Variants in CFAP61 observed in about 807,000 individuals in gnomAD.
CFAP61 encodes cilia and flagella associated protein 61, also known as cilia- and flagella-associated protein 61.
CFAP61 carries 107 observed loss-of-function variants against 135.6 expected under a neutral mutation model. The observed-to-expected ratio is 0.79, with a 90% CI of 0.67 to 0.93. CFAP61 has a LOEUF of 0.93. Ranked by LOEUF, CFAP61 falls within the 40% of genes least tolerant of loss-of-function variation. The pLI is 0.00. For missense variants in CFAP61, 1,507 were observed against 1,556.2 expected (o/e 0.97, Z 0.53); for synonymous variants, 575 against 578.5 (o/e 0.99, Z 0.09).
chr20:20,191,181 A>T (rs1031418929), intron 14 of CFAP61, among the ~76,000 whole-genome samples, 161 bp from the exon 15 acceptor site: 2 of 152,012 alleles, frequency 1.3e-5, no homozygotes, highest in African/African-American at 4.8e-5. Context: ...GATCCGGTGG[A>T]CATAGGGAAG....
intron 8 of CFAP61, among the ~76,000 whole-genome samples, chr20:20,127,030 T>C (rs1568960801): frequency 1.3e-5 from 2 of 151,654 alleles, no homozygotes; most frequent in Non-Finnish European, 2.9e-5. Flanking sequence ...CCAGAGCATT[T>C]TGCATTTCTA....
At chr20:20,271,297 CAAAACA>C (rs1259420175) in intron 21 of CFAP61, among the ~76,000 whole-genome samples, 1 of 152,064 alleles carries the variant, frequency 6.6e-6, no homozygotes, top group African/African-American at 2.4e-5. Flanking sequence ...CATCTTAAAA[CAAAACA>C]AAAACAAAAA....
chr20:20,228,289 T>C lies in CFAP61; in HGVS notation c.1973T>C (p.Leu658Ser). 6.2e-7 allele frequency: 1 copy of C among 1,611,406 alleles called. No homozygotes were observed. The stretch of plus-strand genomic sequence containing the variant: ...AACCATACAAACAGAAAACTAACAT[T>C]GGAACCTAAAATTACTGTCAATGCC... ...ALNHTNRKLT[L>S]EPKITVNAKI... Residue 658 changes from leucine (L) to serine (S), a missense_variant, in exon 18 of 27, where the codon TTG (leucine) becomes TCG (serine). Physicochemically the swap from Leu to Ser is moderately radical, Grantham distance 145 (BLOSUM62 -2). Transcript: ENST00000245957.
At chr20:20,107,965 A>T (rs1200078943) in intron 8 of CFAP61, among the ~76,000 whole-genome samples, 1 of 152,226 alleles carries the variant, frequency 6.6e-6, no homozygotes, top group Non-Finnish European at 1.5e-5. Flanking sequence ...TCTACATGAA[A>T]TATTCTAAAA....
At chr20:20,296,353 TTCTTTCCTTTCTTCATCCC>T (rs1490140226) in intron 24 of CFAP61, among the ~76,000 whole-genome samples, 7 of 91,228 alleles carry the variant, frequency 7.7e-5, no homozygotes, top group Non-Finnish European at 1.5e-4. Context: ...GCTTCCTTCC[TTCTTTCCTTTCTTCATCCC>T]TCCTTCCCTC....
At chr20:20,256,251 G>A (rs1391636462) in intron 20 of CFAP61, among the ~76,000 whole-genome samples, 1 of 152,180 alleles carries the variant, frequency 6.6e-6, no homozygotes, top group Non-Finnish European at 1.5e-5. Flanking sequence ...AAGAAAGTAG[G>A]TATTTAAGCT....
intron 2 of CFAP61, among the ~76,000 whole-genome samples, chr20:20,065,814 G>A (rs746945431): frequency 1.6e-4 from 24 of 152,262 alleles, no homozygotes; most frequent in Middle Eastern, 3.4e-3. Context: ...AAATAGCACA[G>A]TGGCGATCGG....
At chr20:20,305,820 T>C (rs903757061) in intron 25 of CFAP61, among the ~76,000 whole-genome samples, 8 of 152,372 alleles carry the variant, frequency 5.3e-5, no homozygotes, top group African/African-American at 1.9e-4. Context: ...GTCAGTTTGC[T>C]CACGTACTCT....
chr20:20,218,022 G>C (rs2048150538), intron 17 of CFAP61, among the ~76,000 whole-genome samples: 2 of 152,252 alleles, frequency 1.3e-5, no homozygotes, highest in African/African-American at 4.8e-5. Context: ...ATATCCCATT[G>C]ATTCTGCTAA....
intron 6 of CFAP61, among the ~76,000 whole-genome samples, chr20:20,089,449 A>G (rs2047026480): frequency 6.6e-6 from 1 of 152,158 alleles, no homozygotes; most frequent in Non-Finnish European, 1.5e-5. Flanking sequence ...CAAAGAGAAC[A>G]TACTAGAAGA....
intron 22 of CFAP61, 96 bp from the exon 23 acceptor site, chr20:20,288,513 C>A: frequency 2.2e-6 from 2 of 918,078 alleles, no homozygotes; most frequent in Non-Finnish European, 3.4e-6. Flanking sequence ...TATTTTTGTG[C>A]CCCGAATAAT....
chr20:20,121,727 C>T (rs2049651517), intron 8 of CFAP61, among the ~76,000 whole-genome samples: 1 of 152,148 alleles, frequency 6.6e-6, no homozygotes, highest in Non-Finnish European at 1.5e-5. Context: ...CTTCTGGCCT[C>T]AAGTGATCTG....
chr20:20,154,036 G>A (rs2052671938), intron 9 of CFAP61, among the ~76,000 whole-genome samples: 1 of 151,964 alleles, frequency 6.6e-6, no homozygotes, highest in Non-Finnish European at 1.5e-5. Context: ...TTCATACCAG[G>A]GATGCAGGGT....
chr20:20,178,230 A>G (rs948147807), intron 13 of CFAP61, among the ~76,000 whole-genome samples: 1 of 152,194 alleles, frequency 6.6e-6, no homozygotes, highest in African/African-American at 2.4e-5. Context: ...AGATGAGAAC[A>G]TTTCCTAATG....
intron 21 of CFAP61, among the ~76,000 whole-genome samples, chr20:20,275,827 T>A (rs561783228): frequency 2.8e-4 from 43 of 152,366 alleles, no homozygotes; most frequent in African/African-American, 1.0e-3. Context: ...CCAAGATTCA[T>A]GTTTCGTAGC....
Position 20,360,544 on chromosome 20 carries a change from C to T in CFAP61, c.*134C>T. On this transcript the variant is annotated 3_prime_UTR_variant, in exon 27 of 27. Coordinates refer to ENST00000245957, the MANE Select transcript of CFAP61 (RefSeq NM_015585.4). The stretch of plus-strand genomic sequence containing the variant: ...CCTGGTGGTTTTGTTCATTCCTTTC[C>T]TTCCCTGACTTATGCCTGTAGTTTT... 1.4e-6 allele frequency: 1 copy of T among 715,664 alleles called. No homozygotes were observed. Among genetic ancestry groups the T allele is most frequent in the Non-Finnish European group, 2.3e-6 (1 of 431,146 alleles). 44.3% of individuals were successfully genotyped at this position (715,664 alleles called of 1,614,324 possible).
At chr20:20,087,602 C>A (rs1445530087) in intron 6 of CFAP61, among the ~76,000 whole-genome samples, 1 of 152,086 alleles carries the variant, frequency 6.6e-6, no homozygotes, top group East Asian at 1.9e-4. Context: ...TGCAGTGATT[C>A]AAGCTTCTGT....
intron 6 of CFAP61, among the ~76,000 whole-genome samples, chr20:20,082,225 G>C (rs1161959947): frequency 6.6e-6 from 1 of 152,170 alleles, no homozygotes; most frequent in Non-Finnish European, 1.5e-5. Flanking sequence ...GATAGTTAAT[G>C]GTGAAGAACA....
chr20:20,273,339 A>G (rs1258373417), intron 21 of CFAP61, among the ~76,000 whole-genome samples: 7 of 152,200 alleles, frequency 4.6e-5, no homozygotes, highest in African/African-American at 2.4e-5. Context: ...ATGAGCCTAC[A>G]CTGGAAACCT....
Sources: gnomAD v4.1 joint callset for allele counts (sites outside exome capture counted in the v4.1 genomes callset) on GRCh38, gnomAD v4.1.1 for gene constraint, MANE v1.5 for transcripts, NCBI Gene and HGNC (gene_info 2026-07-23, HGNC 2026-07-21) for gene names.